The following ROBO1 variants were observed in gnomAD, a reference collection of about 807,000 sequenced individuals.
The protein encoded by ROBO1 is roundabout homolog 1.
Under a neutral mutation model 195.9 loss-of-function variants are expected in ROBO1, and 149 were observed. The observed-to-expected ratio is 0.76, with a 90% CI of 0.67 to 0.87. The LOEUF (loss-of-function observed/expected upper bound fraction) is 0.87, where lower values mean the gene tolerates loss of function less well. Ranked by LOEUF, ROBO1 falls within the 40% of genes least tolerant of loss-of-function variation. The pLI is 0.00. For synonymous variants in ROBO1, 816 were observed against 733.2 expected, an observed-to-expected ratio of 1.11 and a Z score of -1.82; for missense variants, 1,933 against 2,068.3, an observed-to-expected ratio of 0.93 and a Z score of 1.27.
chr3:79,054,210 GCTC>G (rs2078759187), intron 3 of ROBO1, among the ~76,000 whole-genome samples: 1 of 152,048 alleles, frequency 6.6e-6, no homozygotes, highest in Non-Finnish European at 1.5e-5. Context: ...AAACTTTGAT[GCTC>G]TTACCACAGA....
chr3:79,612,707 T>G (rs1944699006), intron 1 of ROBO1, among the ~76,000 whole-genome samples: 1 of 143,226 alleles, frequency 7.0e-6, no homozygotes, highest in South Asian at 2.4e-4. Flanking sequence ...TCCTGACTTT[T>G]TAATGATTGC....
chr3:79,330,596 A>C (rs2034402187), intron 2 of ROBO1, among the ~76,000 whole-genome samples: 1 of 150,696 alleles, frequency 6.6e-6, no homozygotes, highest in South Asian at 2.1e-4. Flanking sequence ...TCATCCTGTA[A>C]CTACAGACAT....
chr3:78,748,289 T>C, intron 4 of ROBO1, among the ~76,000 whole-genome samples: 1 of 152,050 alleles, frequency 6.6e-6, no homozygotes, highest in East Asian at 1.9e-4. Context: ...CTACTAAAAA[T>C]ACAAAATTAG....
intron 2 of ROBO1, among the ~76,000 whole-genome samples, chr3:79,417,089 G>A (rs1394067039): frequency 1.3e-5 from 2 of 152,138 alleles, no homozygotes; most frequent in East Asian, 3.9e-4. Context: ...AAATATGTTG[G>A]TACTCCCTCC....
intron 2 of ROBO1, among the ~76,000 whole-genome samples, chr3:79,204,893 T>A (rs1379072639): frequency 6.7e-6 from 1 of 148,188 alleles, no homozygotes; most frequent in East Asian, 1.9e-4. Context: ...TACGTCTTTT[T>A]TTGTTTTTGT....
intron 16 of ROBO1, chr3:78,660,648 G>A (rs1331400244): frequency 5.9e-6 from 1 of 168,598 alleles, no homozygotes; most frequent in African/African-American, 2.4e-5. Context: ...ACGAAGTCCT[G>A]GGCAAATCAA....
At chr3:79,254,029 C>T (rs934939818) in intron 2 of ROBO1, among the ~76,000 whole-genome samples, 3 of 152,116 alleles carry the variant, frequency 2.0e-5, no homozygotes, top group Non-Finnish European at 4.4e-5. Context: ...GGAGTGACTT[C>T]TTCTTGTTTC....
At chr3:78,887,616 G>A (rs2036641969) in intron 4 of ROBO1, among the ~76,000 whole-genome samples, 1 of 152,152 alleles carries the variant, frequency 6.6e-6, no homozygotes, top group East Asian at 1.9e-4. Flanking sequence ...AAGTATCCCT[G>A]GAGGAGAGGA....
intron 1 of ROBO1, among the ~76,000 whole-genome samples, chr3:79,592,377 A>G (rs1028220720): frequency 6.6e-6 from 1 of 152,024 alleles, no homozygotes; most frequent in South Asian, 2.1e-4. Flanking sequence ...AATTTTCATG[A>G]TCTAGGACTA....
intron 2 of ROBO1, among the ~76,000 whole-genome samples, chr3:79,196,413 G>GA (rs2081637495): frequency 6.7e-6 from 1 of 150,120 alleles, no homozygotes; most frequent in Non-Finnish European, 1.5e-5. Flanking sequence ...AAGAAAGAAA[G>GA]AAAGAGAGAG....
At chr3:79,581,292 T>C (rs1367134620) in intron 2 of ROBO1, among the ~76,000 whole-genome samples, 2 of 152,142 alleles carry the variant, frequency 1.3e-5, no homozygotes, top group East Asian at 1.9e-4. Flanking sequence ...CCCGTCCATA[T>C]GAGGCACTCT....
At chr3:78,877,140 A>G (rs1559953055) in intron 4 of ROBO1, among the ~76,000 whole-genome samples, 1 of 152,190 alleles carries the variant, frequency 6.6e-6, no homozygotes, top group Non-Finnish European at 1.5e-5. Flanking sequence ...TGATAAACAC[A>G]AAAGCAATCA....
intron 3 of ROBO1, among the ~76,000 whole-genome samples, chr3:79,047,858 C>T (rs1277329276): frequency 6.6e-6 from 1 of 151,982 alleles, no homozygotes; most frequent in Non-Finnish European, 1.5e-5. Context: ...GCAGGGTAAC[C>T]ATGGTAATGA....
intron 2 of ROBO1, among the ~76,000 whole-genome samples, chr3:79,571,176 C>T (rs913341697): frequency 1.3e-5 from 2 of 151,998 alleles, no homozygotes; most frequent in African/African-American, 4.8e-5. Context: ...AAGATTAGAT[C>T]AATTTATGAG....
At chr3:79,359,443 TCAAA>T (rs2035681217) in intron 2 of ROBO1, among the ~76,000 whole-genome samples, 1 of 152,058 alleles carries the variant, frequency 6.6e-6, no homozygotes, top group South Asian at 2.1e-4. Flanking sequence ...GACAGAACTT[TCAAA>T]CAAAGAGGCA....
At chr3:79,227,264 C>A (rs2108841914) in intron 2 of ROBO1, among the ~76,000 whole-genome samples, 1 of 152,192 alleles carries the variant, frequency 6.6e-6, no homozygotes, top group Non-Finnish European at 1.5e-5. Context: ...ATCAACCAAC[C>A]ATTTTAAGGT....
Position 79,061,911 on chromosome 3 carries a change from A to G in ROBO1, c.172+63545T>C, listed in dbSNP as rs2108405387. Among the ~76,000 whole-genome samples the G allele has an allele frequency of 1.3e-5, 2 of 152,338 alleles. 1 individual carries two copies. The highest frequency in any genetic ancestry group is 4.1e-4 in the South Asian group (2 of 4,830). On this transcript the variant is annotated intron_variant, in intron 3 of 30. Coordinates refer to ENST00000464233, the MANE Select transcript of ROBO1 (RefSeq NM_002941.4). The stretch of plus-strand genomic sequence containing the variant: ...CCATAAAAACCCTAGAAGAAAACTT[A>G]GGCAATACCATTCAGGACATAGGCA...
chr3:79,508,988 G>A (rs1940556482), intron 2 of ROBO1, among the ~76,000 whole-genome samples: 1 of 152,136 alleles, frequency 6.6e-6, no homozygotes, highest in Non-Finnish European at 1.5e-5. Flanking sequence ...CATAGTTGAA[G>A]ACAAGATTAG....
intron 3 of ROBO1, among the ~76,000 whole-genome samples, chr3:78,945,428 G>A (rs1019949029): frequency 2.9e-4 from 44 of 152,158 alleles, no homozygotes; most frequent in African/African-American, 1.0e-3. Flanking sequence ...TGGACCTCTA[G>A]CAAACTCTAA....
Sources: gnomAD v4.1 joint callset for allele counts (sites outside exome capture counted in the v4.1 genomes callset) on GRCh38, gnomAD v4.1.1 for gene constraint, MANE v1.5 for transcripts, NCBI Gene and HGNC (gene_info 2026-07-23, HGNC 2026-07-21) for gene names.